The following TMEM116 variants were observed in gnomAD, a reference collection of about 807,000 sequenced individuals.
TMEM116 encodes the protein transmembrane protein 116.
TMEM116 carries 38 observed loss-of-function variants against 44.3 expected under a neutral mutation model. The ratio of observed to expected loss-of-function variants is 0.86; its 90% CI spans 0.66 to 1.12. TMEM116 has a LOEUF of 1.12. TMEM116 is among the 50% of genes most tolerant of loss of function. The pLI is 0.00. For synonymous variants in TMEM116, 132 were observed against 144.8 expected, an observed-to-expected ratio of 0.91 and a Z score of 0.64; for missense variants, 354 against 401.7, an observed-to-expected ratio of 0.88 and a Z score of 1.01.
intron 1 of TMEM116, among the ~76,000 whole-genome samples, chr12:112,008,826 A>C (rs2077705335): frequency 6.6e-6 from 1 of 151,930 alleles, no homozygotes; most frequent in Non-Finnish European, 1.5e-5. Context: ...AAATAAATAC[A>C]TAGCCAGGCA....
chr12:111,985,544 A>G (rs1026286738), intron 4 of TMEM116, among the ~76,000 whole-genome samples: 1 of 152,234 alleles, frequency 6.6e-6, no homozygotes, highest in Non-Finnish European at 1.5e-5. Context: ...GAAGACACCA[A>G]TAAATGGAAA....
intron 5 of TMEM116, 83 bp from the exon 6 acceptor site, chr12:111,938,293 A>G: frequency 9.7e-7 from 1 of 1,032,720 alleles, no homozygotes; most frequent in Non-Finnish European, 1.4e-6. Context: ...GTTAACACTC[A>G]ATAGAACAAA....
At chr12:112,003,630 G>A in intron 3 of TMEM116, 170 bp downstream of exon 3, 1 of 727,784 alleles carries the variant, frequency 1.4e-6, no homozygotes, top group Non-Finnish European at 2.0e-6. Context: ...TAATTACCTA[G>A]AAGAAAAGGG....
intron 4 of TMEM116, among the ~76,000 whole-genome samples, chr12:111,956,802 C>T (rs1013435693): frequency 1.3e-5 from 2 of 152,188 alleles, no homozygotes; most frequent in Non-Finnish European, 2.9e-5. Flanking sequence ...GACGGAGTCT[C>T]GCTCACTCAG....
chr12:111,955,183 C>T (rs898347094), intron 4 of TMEM116, among the ~76,000 whole-genome samples: 2 of 152,136 alleles, frequency 1.3e-5, no homozygotes, highest in Non-Finnish European at 2.9e-5. Context: ...AATAAATGCC[C>T]GCAGCACTGG....
intron 4 of TMEM116, among the ~76,000 whole-genome samples, chr12:111,981,974 T>C (rs752118419): frequency 1.3e-5 from 2 of 152,240 alleles, no homozygotes; most frequent in East Asian, 1.9e-4. Context: ...TGTGAAATTA[T>C]AAAAAGTTGA....
chr12:111,943,275 G>A lies in TMEM116; in HGVS notation c.305C>T (p.Thr102Ile), dbSNP rs2073013416. 1 of 1,611,874 alleles carries A rather than the reference G, an allele frequency of 6.2e-7. No homozygotes were observed. The highest frequency in any genetic ancestry group is 1.3e-5 in the African/African-American group (1 of 74,958). The change falls in exon 5 of 11, where the codon ACA becomes ATA. Residue 102 changes from threonine (T) to isoleucine (I), a missense_variant. Coordinates refer to ENST00000552374, the MANE Select transcript of TMEM116 (RefSeq NM_001193531.2). ...RMKHTQSGQS[T>I]SPLVIDYTCR... The stretch of plus-strand genomic sequence containing the variant: ...CTGAATAAAACTTACCAGTGGAGAT[G>A]TGCTCTGTCCACTCTGGGTGTGTTT...
chr12:111,990,129 C>T (rs2076465824), intron 4 of TMEM116, among the ~76,000 whole-genome samples: 1 of 152,006 alleles, frequency 6.6e-6, no homozygotes, highest in East Asian at 1.9e-4. Context: ...GTGGCAGGCG[C>T]CTGTAGTCCC....
intron 8 of TMEM116, chr12:111,935,640 G>C (rs945077968): frequency 6.5e-6 from 1 of 153,254 alleles, no homozygotes; most frequent in Non-Finnish European, 1.4e-5. Context: ...GTGTGTGTGT[G>C]TGTGTGTGTG....
chr12:111,994,450 G>A (rs1249447820), intron 3 of TMEM116, among the ~76,000 whole-genome samples: 1 of 152,170 alleles, frequency 6.6e-6, no homozygotes, highest in Non-Finnish European at 1.5e-5. Flanking sequence ...GGGCGTCACC[G>A]CCTTCTGGTC....
At position 111,957,611 on chromosome 12, in the gene TMEM116, C is replaced by T. The variant is rs1354408327; in HGVS notation, c.211-14242G>A. The stretch of plus-strand genomic sequence containing the variant: ...CCCCCGCCCGGCCAGCCGCCCCGTC[C>T]GGGAGGTGGGGGGCCCCTCTGCCCG... On this transcript the variant is annotated intron_variant, in intron 4 of 10. Coordinates refer to ENST00000552374, the MANE Select transcript of TMEM116 (RefSeq NM_001193531.2). 3.3e-4 allele frequency among the ~76,000 whole-genome samples: 48 copies of T among 143,430 alleles called. 1 individual carries two copies. Among genetic ancestry groups the T allele is most frequent in the South Asian group, 6.9e-4 (3 of 4,330 alleles). 94.1% of individuals were successfully genotyped at this position (143,430 alleles called of 152,430 possible).
chr12:112,006,531 T>TTG (rs2077594594), intron 1 of TMEM116, among the ~76,000 whole-genome samples: 1 of 152,236 alleles, frequency 6.6e-6, no homozygotes, highest in Admixed American at 6.5e-5. Context: ...TGTCATAAAT[T>TTG]ACATTATTCA....
intron 1 of TMEM116, among the ~76,000 whole-genome samples, chr12:112,009,014 C>T (rs1460423338): frequency 6.6e-6 from 1 of 151,710 alleles, no homozygotes; most frequent in Non-Finnish European, 1.5e-5. Flanking sequence ...TAACAGTTAC[C>T]AATTATGAAG....
chr12:111,978,877 T>C (rs915211274), intron 4 of TMEM116: 1 of 297,270 alleles, frequency 3.4e-6, no homozygotes, highest in Admixed American at 4.1e-5. Flanking sequence ...CAGACACTAA[T>C]ATAGTCAACT....
At chr12:111,948,346 G>T (rs950032011) in intron 4 of TMEM116, among the ~76,000 whole-genome samples, 1 of 152,160 alleles carries the variant, frequency 6.6e-6, no homozygotes, top group South Asian at 2.1e-4. Flanking sequence ...AATTTGAATA[G>T]GTTAGGGGGA....
At chr12:111,966,305 C>CA (rs904517426) in intron 4 of TMEM116, among the ~76,000 whole-genome samples, 69 of 149,236 alleles carry the variant, frequency 4.6e-4, no homozygotes, top group African/African-American at 1.2e-3. Flanking sequence ...GACTCCATCT[C>CA]AAAAAAAAAC....
intron 1 of TMEM116, chr12:112,006,084 CT>C (rs1037581090): frequency 9.3e-6 from 5 of 538,794 alleles, no homozygotes; most frequent in South Asian, 8.2e-5. Flanking sequence ...GGCTCCACCC[CT>C]ATCCCAGCTG....
At chr12:111,988,681 G>C (rs1262766904) in intron 4 of TMEM116, among the ~76,000 whole-genome samples, 1 of 137,286 alleles carries the variant, frequency 7.3e-6, no homozygotes, top group South Asian at 2.4e-4. Context: ...CCTGGTGACA[G>C]AGTGAGACTC....
At chr12:111,990,179 C>T (rs576113184) in intron 4 of TMEM116, among the ~76,000 whole-genome samples, 2 of 151,220 alleles carry the variant, frequency 1.3e-5, no homozygotes, top group East Asian at 1.9e-4. Flanking sequence ...GGTGTGAACC[C>T]GGGAGGTGGA....
Sources: gnomAD v4.1 joint callset for allele counts (sites outside exome capture counted in the v4.1 genomes callset) on GRCh38, gnomAD v4.1.1 for gene constraint, MANE v1.5 for transcripts, NCBI Gene and HGNC (gene_info 2026-07-23, HGNC 2026-07-21) for gene names.